The following ARHGEF10L variants were observed in gnomAD, a reference collection of about 807,000 sequenced individuals.
ARHGEF10L encodes the protein Rho guanine nucleotide exchange factor 10 like.
A neutral mutation model predicts 141.2 loss-of-function variants in ARHGEF10L; 69 were observed. The observed-to-expected ratio is 0.49, with a 90% CI of 0.40 to 0.60. The LOEUF (loss-of-function observed/expected upper bound fraction) is 0.60. Ranked by LOEUF, ARHGEF10L falls within the 20% of genes least tolerant of loss-of-function variation. The pLI, the probability that ARHGEF10L is intolerant of heterozygous loss-of-function variation, is 0.00. For synonymous variants in ARHGEF10L, 711 were observed against 718.5 expected (o/e 0.99, Z 0.17); for missense variants, 1,482 against 1,734.3 (o/e 0.85, Z 2.58).
chr1:17,568,869 T>C (rs1426829766), intron 1 of ARHGEF10L, among the ~76,000 whole-genome samples: 4 of 152,234 alleles, frequency 2.6e-5, no homozygotes, highest in East Asian at 1.9e-4. Context: ...CTTTTAATGA[T>C]TGAAGCCATC....
chr1:17,670,275 C>T (rs775826761), intron 26 of ARHGEF10L, among the ~76,000 whole-genome samples: 7 of 152,208 alleles, frequency 4.6e-5, no homozygotes, highest in Non-Finnish European at 5.9e-5. Context: ...AGCTGGCACC[C>T]GCGGTCTGTC....
chr1:17,665,783 T>C (rs78049055), intron 26 of ARHGEF10L, among the ~76,000 whole-genome samples: 3,288 of 152,220 alleles, frequency 0.022, 126 homozygotes, highest in African/African-American at 0.075. Flanking sequence ...CACACGTATA[T>C]AGAAAGAGAC....
intron 21 of ARHGEF10L, among the ~76,000 whole-genome samples, chr1:17,643,176 T>C (rs900960206): frequency 2.6e-5 from 4 of 152,238 alleles, no homozygotes; most frequent in Non-Finnish European, 4.4e-5. Context: ...GGGATGATAA[T>C]ATGAGCCTGT....
chr1:17,684,681 G>T (rs182483568), intron 26 of ARHGEF10L, among the ~76,000 whole-genome samples: 2 of 152,264 alleles, frequency 1.3e-5, no homozygotes, highest in Non-Finnish European at 2.9e-5. Context: ...TGGAGACACC[G>T]CACCCCTGCC....
chr1:17,548,425 G>C (rs920228935), intron 1 of ARHGEF10L, among the ~76,000 whole-genome samples: 1 of 152,092 alleles, frequency 6.6e-6, no homozygotes, highest in Non-Finnish European at 1.5e-5. Flanking sequence ...TTAGGGGTCA[G>C]TAAATTTCAG....
the ARHGEF10L span, among the ~76,000 whole-genome samples, chr1:17,534,638 G>A: frequency 0.043 from 6,433 of 148,334 alleles, 266 homozygotes; most frequent in East Asian, 0.15. Flanking sequence ...TGCCCAGGCT[G>A]GAGTGCAGTG....
intron 1 of ARHGEF10L, among the ~76,000 whole-genome samples, chr1:17,552,571 GTTTTTTTTTTTTTTTTT>G (rs34766409): frequency 4.3e-3 from 193 of 44,936 alleles, no homozygotes; most frequent in African/African-American, 0.019. Flanking sequence ...GCTAATTTTC[GTTTTTTTTTTTTTTTTT>G]TTTTTTTTTT....
intron 2 of ARHGEF10L, among the ~76,000 whole-genome samples, chr1:17,584,573 A>G (rs984021055): frequency 2.0e-5 from 3 of 152,218 alleles, no homozygotes; most frequent in African/African-American, 7.2e-5. Flanking sequence ...AGAGAAAGGT[A>G]AAGTAGGCAG....
In ARHGEF10L at chr1:17,607,450, G is replaced by A. The variant is rs1400978182; in HGVS notation, c.434-352G>A. Among the ~76,000 whole-genome samples, 2 of 152,202 alleles carry A rather than the reference G, an allele frequency of 1.3e-5. No homozygotes were observed. The highest frequency in any genetic ancestry group is 2.9e-5 in the Non-Finnish European group (2 of 68,040). On this transcript the variant is annotated intron_variant, in intron 6 of 28. Coordinates refer to ENST00000361221, the MANE Select transcript of ARHGEF10L (RefSeq NM_018125.4). This position sits in a 1 kb window ranked among gnomAD's most constrained non-coding sequence, Gnocchi z 4.5. ...TGATTGTACCACTGCACTCCAGCCT[G>A]GGCGAGACAATGAGACCCTGTCTCT...
chr1:17,660,874 G>A (rs1031077081), intron 25 of ARHGEF10L, among the ~76,000 whole-genome samples: 5 of 152,052 alleles, frequency 3.3e-5, no homozygotes, highest in Admixed American at 6.5e-5. Flanking sequence ...TGGAAAGGGC[G>A]GGGCTCCCAT....
intron 1 of ARHGEF10L, among the ~76,000 whole-genome samples, chr1:17,556,571 C>A (rs2077335953): frequency 6.6e-6 from 1 of 152,158 alleles, no homozygotes; most frequent in African/African-American, 2.4e-5. Context: ...CCATCAGGAA[C>A]TTTTCTCTCT....
intron 1 of ARHGEF10L, among the ~76,000 whole-genome samples, chr1:17,576,840 C>A (rs778298800): frequency 6.6e-6 from 1 of 152,194 alleles, no homozygotes; most frequent in African/African-American, 2.4e-5. Context: ...TGAATCATCC[C>A]GGCACCAAAT....
intron 4 of ARHGEF10L, among the ~76,000 whole-genome samples, chr1:17,593,475 A>G (rs1008536765): frequency 3.9e-5 from 6 of 152,190 alleles, no homozygotes; most frequent in African/African-American, 1.4e-4. Flanking sequence ...CAGTGGCACC[A>G]CAAGGGTTGT....
chr1:17,527,488 G>A, the ARHGEF10L span, among the ~76,000 whole-genome samples: 1 of 152,174 alleles, frequency 6.6e-6, no homozygotes, highest in Non-Finnish European at 1.5e-5. Context: ...ACAGGGCAGG[G>A]AGCTCACTAC....
chr1:17,676,334 TG>T (rs927344745), intron 26 of ARHGEF10L, among the ~76,000 whole-genome samples: 1 of 147,434 alleles, frequency 6.8e-6, no homozygotes, highest in Non-Finnish European at 1.5e-5. Context: ...TGTTCACGTG[TG>T]GGTGCAGGCG....
intron 7 of ARHGEF10L, among the ~76,000 whole-genome samples, chr1:17,609,849 G>A (rs2059450868): frequency 6.6e-6 from 1 of 152,158 alleles, no homozygotes; most frequent in Non-Finnish European, 1.5e-5. Context: ...AGTTCAGAAG[G>A]GGCAGCATGC....
intron 7 of ARHGEF10L, among the ~76,000 whole-genome samples, chr1:17,609,016 C>T (rs1313731735): frequency 1.3e-5 from 2 of 152,204 alleles, no homozygotes; most frequent in African/African-American, 4.8e-5. Context: ...CTCCTGGCCT[C>T]AAGTGATCCA....
chr1:17,638,997 C>T (rs1307009559), intron 20 of ARHGEF10L, among the ~76,000 whole-genome samples: 2 of 152,212 alleles, frequency 1.3e-5, no homozygotes, highest in Non-Finnish European at 2.9e-5. Flanking sequence ...CCTTTTCAGT[C>T]ACTTCAGCCT....
rs200072209 is a variant in ARHGEF10L, at chr1:17,656,079, C to G, written c.2682C>G (p.Ile894Met). 9.6e-6 allele frequency: 15 copies of G among 1,554,866 alleles called. No individual in the cohort carries two copies. In the East Asian group the frequency reaches 3.6e-4, roughly 37 times the overall value. Residue 894 changes from isoleucine (I) to methionine (M), a missense_variant, in exon 24 of 29, where the codon ATC becomes ATG. Ile to Met is a conservative substitution (Grantham distance 10). Transcript: ENST00000361221. The surrounding 1 kb of genome is among the most constrained non-coding windows in gnomAD (Gnocchi z 4.9). ...CCTCGGCCACGGTGCATCCAACCAT[C>G]TGCCTCGGGCTCCAGGATGGCAGGT... ...ADPSATVHPT[I>M]CLGLQDGSIL...
Sources: allele counts gnomAD v4.1 joint callset (sites outside exome capture counted in the v4.1 genomes callset), GRCh38; gene constraint gnomAD v4.1.1; non-coding constraint Gnocchi (gnomAD v3.1); transcripts MANE v1.5; gene names NCBI Gene and HGNC (gene_info 2026-07-23, HGNC 2026-07-21).